The following DENND5B variants were observed in gnomAD, a reference collection of about 807,000 sequenced individuals.
The protein encoded by DENND5B is DENN domain containing 5B, also known as DENN domain-containing protein 5B.
A neutral mutation model predicts 140.6 loss-of-function variants in DENND5B; 34 were observed. That is an observed-to-expected ratio of 0.24 (90% CI 0.18 to 0.32). The LOEUF (loss-of-function observed/expected upper bound fraction) is 0.32. DENND5B is among the 10% of genes least tolerant of loss of function. The pLI, the probability that DENND5B is intolerant of heterozygous loss-of-function variation, is 1.00. For missense variants in DENND5B, 1,142 were observed against 1,560.2 expected (o/e 0.73, Z 4.52); for synonymous variants, 551 against 562.1 (o/e 0.98, Z 0.28).
At chr12:31,478,109 G>T (rs1021792142) in intron 3 of DENND5B, 1 of 152,058 alleles carries the variant, frequency 6.6e-6, no homozygotes, top group African/African-American at 2.4e-5. Flanking sequence ...AAAGAAGAAA[G>T]GAAAGAATTT....
chr12:31,437,195 T>A (rs1375385052), intron 7 of DENND5B, among the ~76,000 whole-genome samples: 1 of 151,164 alleles, frequency 6.6e-6, no homozygotes, highest in Non-Finnish European at 1.5e-5. Context: ...CAGGCTGGAA[T>A]GCAGTGGCAC....
intron 1 of DENND5B, among the ~76,000 whole-genome samples, chr12:31,543,162 C>T (rs986611501): frequency 6.6e-6 from 1 of 152,032 alleles, no homozygotes; most frequent in African/African-American, 2.4e-5. Flanking sequence ...GAGCGTTGAC[C>T]GGGCCACTGC....
chr12:31,420,108 C>T, intron 11 of DENND5B: 1 of 959,802 alleles, frequency 1.0e-6, no homozygotes, highest in Non-Finnish European at 1.2e-6. Context: ...AGTTTAAGAA[C>T]TGGCTCAACG....
chr12:31,541,426 A>C (rs999208002), intron 1 of DENND5B, among the ~76,000 whole-genome samples: 4 of 152,238 alleles, frequency 2.6e-5, no homozygotes, highest in Non-Finnish European at 5.9e-5. Context: ...AAAGACATAC[A>C]AATGGCAAAC....
At chr12:31,576,156 A>AAAG (rs67872805) in intron 1 of DENND5B, among the ~76,000 whole-genome samples, 75,872 of 130,510 alleles carry the variant, frequency 0.58, 23,437 homozygotes, top group Admixed American at 0.73. Flanking sequence ...AAAAAAAAAA[A>AAAG]AAGAAGAATG....
chr12:31,487,417 G>A (rs1274044542), intron 2 of DENND5B, among the ~76,000 whole-genome samples: 2 of 152,146 alleles, frequency 1.3e-5, no homozygotes, highest in South Asian at 2.1e-4. Flanking sequence ...AACTCATTTG[G>A]CTGGGTGTAG....
At position 31,409,283 on chromosome 12, in the gene DENND5B, GT is replaced by G; in HGVS notation, c.2782del (p.Thr928ProfsTer8). 6.4e-7 allele frequency: 1 copy of G among 1,573,716 alleles called. No individual in the cohort carries two copies. Among genetic ancestry groups the G allele is most frequent in the Non-Finnish European group, 8.6e-7 (1 of 1,158,700 alleles). ...CTTACTGATAGTGGTGAACACACTGGTGAAGCAGAAATAGTCCACAGCATTG... is the reference window on the plus strand; with the variant it reads ...CTTACTGATAGTGGTGAACACACTGGGAAGCAGAAATAGTCCACAGCATTG... ...SLNAVDYFCF[T>X]SVFTTIMIPY... is the part of the protein sequence containing the mutation. On this transcript the variant is annotated frameshift_variant, in exon 14 of 21. Transcript: ENST00000389082. LOFTEE classifies it high-confidence loss of function.
intron 2 of DENND5B, among the ~76,000 whole-genome samples, chr12:31,494,357 G>A (rs945461132): frequency 1.3e-5 from 2 of 151,978 alleles, no homozygotes; most frequent in Admixed American, 6.6e-5. Flanking sequence ...GCTTATAGAT[G>A]CACAACATCA....
At chr12:31,487,253 G>C (rs1369913710) in intron 2 of DENND5B, among the ~76,000 whole-genome samples, 1 of 152,154 alleles carries the variant, frequency 6.6e-6, no homozygotes, top group East Asian at 1.9e-4. Flanking sequence ...TGAATACCTG[G>C]ATTTGGTAGG....
At chr12:31,514,349 T>C (rs1220859519) in intron 1 of DENND5B, among the ~76,000 whole-genome samples, 2 of 152,176 alleles carry the variant, frequency 1.3e-5, no homozygotes, top group East Asian at 3.9e-4. Context: ...AACCTCTTAA[T>C]AGTGATTTTC....
At chr12:31,584,654 C>G (rs1950331868) in intron 1 of DENND5B, among the ~76,000 whole-genome samples, 1 of 151,870 alleles carries the variant, frequency 6.6e-6, no homozygotes, top group South Asian at 2.1e-4. Flanking sequence ...TGGCAAAACC[C>G]CATCTCTACA....
chr12:31,389,003 C>G (rs1353980419), intron 20 of DENND5B, among the ~76,000 whole-genome samples: 1 of 152,126 alleles, frequency 6.6e-6, no homozygotes. Context: ...TCTGTGTGAT[C>G]TTGGGAAAGT....
chr12:31,570,863 T>C (rs1046221471), intron 1 of DENND5B, among the ~76,000 whole-genome samples: 5 of 152,020 alleles, frequency 3.3e-5, no homozygotes, highest in Non-Finnish European at 7.3e-5. Flanking sequence ...CAGGTAGGTT[T>C]TGGCAGGAAA....
rs1944099969 is a variant in DENND5B, at chr12:31,442,895, A to G, written c.1892T>C (p.Met631Thr). The change falls in exon 7 of 21, where the codon ATG (methionine) becomes ACG (threonine). Residue 631 changes from methionine to threonine, a missense_variant. By Grantham distance (81) the Met-to-Thr change is moderately conservative. Transcript: ENST00000389082. ...AQSIEQRLMK[M>T]DHTAIHPHLL... ...ATGTGGGTGGATTGCAGTGTGATCC[A>G]TTTTCATCAGTCTCTGCTCAATTGA... is the stretch of plus-strand genomic sequence containing the variant. 3 of 1,596,492 alleles carry G rather than the reference A, an allele frequency of 1.9e-6. No individual in the cohort carries two copies. Among genetic ancestry groups the G allele is most frequent in the Non-Finnish European group, 2.6e-6 (3 of 1,170,812 alleles).
chr12:31,528,726 C>T (rs573737355), intron 1 of DENND5B, among the ~76,000 whole-genome samples: 11 of 152,260 alleles, frequency 7.2e-5, no homozygotes, highest in African/African-American at 2.6e-4. Context: ...CAGTTTTGAA[C>T]ATACTGATTT....
At position 31,400,476 on chromosome 12, in the gene DENND5B, A is replaced by C. The variant is rs568889117; in HGVS notation, c.2950-704T>G. ...AAAAATGAATACTAATTAAATTCTGACTTCTAAAATCTGATAATGAAAAGA... is the reference window on the plus strand; with the variant it reads ...AAAAATGAATACTAATTAAATTCTGCCTTCTAAAATCTGATAATGAAAAGA... On this transcript the variant is annotated intron_variant, in intron 15 of 20. Coordinates refer to ENST00000389082, the MANE Select transcript of DENND5B (RefSeq NM_144973.4). Among the ~76,000 whole-genome samples the C allele has an allele frequency of 2.0e-5, 3 of 152,340 alleles. No homozygotes were observed. The East Asian group carries it at 5.8e-4, about 29-fold the overall frequency.
At chr12:31,486,716 T>A (rs1946324898) in intron 2 of DENND5B, among the ~76,000 whole-genome samples, 1 of 152,248 alleles carries the variant, frequency 6.6e-6, no homozygotes, top group African/African-American at 2.4e-5. Flanking sequence ...CAGCGATAGA[T>A]AATCAAAATA....
chr12:31,568,195 G>A (rs915569310), intron 1 of DENND5B, among the ~76,000 whole-genome samples: 8 of 152,132 alleles, frequency 5.3e-5, no homozygotes, highest in African/African-American at 1.9e-4. Flanking sequence ...TTAAAATACT[G>A]TATAAAATTA....
intron 7 of DENND5B, among the ~76,000 whole-genome samples, chr12:31,438,450 T>C (rs924590546): frequency 2.6e-5 from 4 of 152,186 alleles, no homozygotes; most frequent in African/African-American, 9.7e-5. Context: ...AGGAGTAGGT[T>C]TATGGTTTAT....
Sources: allele counts gnomAD v4.1 joint callset (sites outside exome capture counted in the v4.1 genomes callset), GRCh38; gene constraint gnomAD v4.1.1; transcripts MANE v1.5; gene names NCBI Gene and HGNC (gene_info 2026-07-23, HGNC 2026-07-21).